RABGAP1L: variants seen among roughly 807,000 people sequenced by gnomAD.
RABGAP1L encodes rab GTPase-activating protein 1-like.
Under a neutral mutation model 137.7 loss-of-function variants are expected in RABGAP1L, and 63 were observed. The observed-to-expected ratio is 0.46, with a 90% CI of 0.37 to 0.56. RABGAP1L has a LOEUF of 0.56. Ranked by LOEUF, RABGAP1L falls within the 20% of genes least tolerant of loss-of-function variation. The pLI, the probability that RABGAP1L is intolerant of heterozygous loss-of-function variation, is 0.00. For missense variants in RABGAP1L, 1,095 were observed against 1,244.0 expected, an observed-to-expected ratio of 0.88 and a Z score of 1.80; for synonymous variants, 431 against 433.7, an observed-to-expected ratio of 0.99 and a Z score of 0.08.
At chr1:174,454,241 A>AGTG (rs1261684738) in intron 13 of RABGAP1L, among the ~76,000 whole-genome samples, 2,600 of 152,224 alleles carry the variant, frequency 0.017, 65 homozygotes, top group African/African-American at 0.06. Flanking sequence ...CCAGCCTGGC[A>AGTG]ACAGAGTGAG....
intron 17 of RABGAP1L, among the ~76,000 whole-genome samples, chr1:174,715,312 CA>C (rs1424546056): frequency 1.3e-5 from 2 of 152,084 alleles, no homozygotes; most frequent in African/African-American, 4.8e-5. Context: ...CTATATTGTA[CA>C]AAAGAGAAGG....
intron 13 of RABGAP1L, among the ~76,000 whole-genome samples, chr1:174,470,306 C>G (rs1473878319): frequency 6.6e-6 from 1 of 152,168 alleles, no homozygotes; most frequent in Non-Finnish European, 1.5e-5. Context: ...TGTAATTTTA[C>G]ATATGTACAT....
intron 1 of RABGAP1L, among the ~76,000 whole-genome samples, chr1:174,178,296 T>C (rs1344739970): frequency 6.6e-6 from 1 of 152,192 alleles, no homozygotes; most frequent in Non-Finnish European, 1.5e-5. Flanking sequence ...TAGGAATGCT[T>C]GTGATTTTTG....
chr1:174,504,996 A>G (rs1661683691), intron 13 of RABGAP1L, among the ~76,000 whole-genome samples: 1 of 152,218 alleles, frequency 6.6e-6, no homozygotes, highest in South Asian at 2.1e-4. Context: ...TCCAAAATAT[A>G]TAAGGAATCA....
At chr1:174,782,456 G>C (rs1190881574) in intron 18 of RABGAP1L, among the ~76,000 whole-genome samples, 2 of 152,140 alleles carry the variant, frequency 1.3e-5, no homozygotes, top group African/African-American at 2.4e-5. Flanking sequence ...TCAGCTTAAG[G>C]AGATTTTGGG....
At chr1:174,705,661 G>A (rs1035169213) in intron 17 of RABGAP1L, 3 of 152,118 alleles carry the variant, frequency 2.0e-5, no homozygotes, top group Non-Finnish European at 4.4e-5. Flanking sequence ...ATATTGTAGT[G>A]TGCCTCAGGA....
intron 1 of RABGAP1L, among the ~76,000 whole-genome samples, chr1:174,160,549 G>T (rs548542049): frequency 6.6e-6 from 1 of 152,276 alleles, no homozygotes; most frequent in Admixed American, 6.5e-5. Flanking sequence ...TGCAAAATTG[G>T]TTTCATGCAA....
At chr1:174,232,775 AT>A (rs201028926) in intron 4 of RABGAP1L, among the ~76,000 whole-genome samples, 1,795 of 150,342 alleles carry the variant, frequency 0.012, 13 homozygotes, top group Middle Eastern at 0.036. Context: ...AAAAAAAAAA[AT>A]AAGTCAGATA....
chr1:174,164,100 C>T (rs1051112477), intron 1 of RABGAP1L, among the ~76,000 whole-genome samples: 1 of 149,600 alleles, frequency 6.7e-6, no homozygotes, highest in Admixed American at 6.7e-5. Context: ...TCCTCTTACC[C>T]CCTACCTGCC....
rs1216018546 is a variant in RABGAP1L, at chr1:174,195,666, T to C, written c.-33-23459T>C. On this transcript the variant is annotated intron_variant, in intron 1 of 25. Coordinates refer to ENST00000681986, the MANE Select transcript of RABGAP1L (RefSeq NM_001366446.1). Reference sequence around the variant, plus strand: ...CTTCCTTCCTTCCTTTCCTTTCCTTTCCTTTCCTTCTTTCCTTCTTTCCTT... The same window carrying C: ...CTTCCTTCCTTCCTTTCCTTTCCTTCCCTTTCCTTCTTTCCTTCTTTCCTT... Among the ~76,000 whole-genome samples, 89 of 104,602 alleles carry C rather than the reference T, an allele frequency of 8.5e-4. 1 individual carries two copies. The highest frequency in any genetic ancestry group is 3.9e-3 in the African/African-American group (87 of 22,032). The allele number at this position is 104,602 out of a possible 152,430, so 68.6% of individuals were successfully genotyped here.
At chr1:174,337,078 T>C (rs1681548461) in intron 11 of RABGAP1L, among the ~76,000 whole-genome samples, 1 of 151,940 alleles carries the variant, frequency 6.6e-6, no homozygotes, top group Admixed American at 6.6e-5. Flanking sequence ...CATAACAGAT[T>C]ACCAAAAAAA....
chr1:174,247,296 A>G (rs942515096), intron 5 of RABGAP1L, among the ~76,000 whole-genome samples: 11 of 152,194 alleles, frequency 7.2e-5, no homozygotes, highest in African/African-American at 2.7e-4. Flanking sequence ...TCCTGTTTTC[A>G]CATACAGTGC....
intron 19 of RABGAP1L, among the ~76,000 whole-genome samples, chr1:174,910,525 C>A (rs1170599163): frequency 1.3e-5 from 2 of 152,094 alleles, no homozygotes; most frequent in East Asian, 1.9e-4. Flanking sequence ...ACTTATACCA[C>A]TTTTTTTCAA....
intron 13 of RABGAP1L, among the ~76,000 whole-genome samples, chr1:174,440,577 T>G (rs918166051): frequency 9.2e-5 from 14 of 152,194 alleles, no homozygotes; most frequent in African/African-American, 1.9e-4. Flanking sequence ...TTGTTTATTT[T>G]TTTATTTTTA....
chr1:174,523,094 A>C (rs753515542), intron 13 of RABGAP1L, among the ~76,000 whole-genome samples: 4 of 152,180 alleles, frequency 2.6e-5, no homozygotes, highest in Non-Finnish European at 5.9e-5. Flanking sequence ...ATTGGTAATC[A>C]AGTATATATA....
intron 13 of RABGAP1L, among the ~76,000 whole-genome samples, chr1:174,415,289 A>G (rs905027085): frequency 4.6e-5 from 7 of 152,066 alleles, no homozygotes; most frequent in African/African-American, 1.7e-4. Context: ...TTATTTTATC[A>G]GTAATACTTC....
At chr1:174,542,247 A>G (rs1665529086) in intron 13 of RABGAP1L, among the ~76,000 whole-genome samples, 1 of 152,156 alleles carries the variant, frequency 6.6e-6, no homozygotes, top group Non-Finnish European at 1.5e-5. Context: ...TTGGTAAGCT[A>G]TTGATTATTG....
intron 13 of RABGAP1L, among the ~76,000 whole-genome samples, chr1:174,596,042 G>T (rs1669872435): frequency 9.0e-6 from 1 of 111,010 alleles, no homozygotes; most frequent in Non-Finnish European, 1.7e-5. Flanking sequence ...GCCAGGTGTG[G>T]GATATAGTCT....
chr1:174,980,232 T>C (rs1005462956), intron 23 of RABGAP1L, among the ~76,000 whole-genome samples: 3 of 152,184 alleles, frequency 2.0e-5, no homozygotes, highest in East Asian at 3.8e-4. Flanking sequence ...CATCTTTCCA[T>C]AAGGAATCCG....
Sources: gnomAD v4.1 joint callset for allele counts (sites outside exome capture counted in the v4.1 genomes callset) on GRCh38, gnomAD v4.1.1 for gene constraint, MANE v1.5 for transcripts, NCBI Gene and HGNC (gene_info 2026-07-23, HGNC 2026-07-21) for gene names.